Variants in CBX1 observed in about 807,000 individuals in gnomAD.
The protein encoded by CBX1 is chromobox 1.
A neutral mutation model predicts 25.1 loss-of-function variants in CBX1; 10 were observed. The ratio of observed to expected loss-of-function variants is 0.40; its 90% confidence interval spans 0.25 to 0.68. The LOEUF (loss-of-function observed/expected upper bound fraction) is 0.68. Ranked by LOEUF, CBX1 falls within the 30% of genes least tolerant of loss-of-function variation. The probability of loss-of-function intolerance (pLI) is 0.40; values close to 1 mark genes in which losing one functional copy is unlikely to be tolerated. For synonymous variants in CBX1, 63 were observed against 79.4 expected (o/e 0.79, Z 1.10); for missense variants, 106 against 218.5 (o/e 0.49, Z 3.25).
At chr17:48,077,350 T>C (rs775305556) in intron 1 of CBX1, among the ~76,000 whole-genome samples, 4 of 151,298 alleles carry the variant, frequency 2.6e-5, no homozygotes, top group Non-Finnish European at 5.9e-5. Flanking sequence ...CTCCGCCTCC[T>C]GGGTTCAAGC....
At chr17:48,092,006 T>C (rs2063346683) in intron 1 of CBX1, among the ~76,000 whole-genome samples, 1 of 145,806 alleles carries the variant, frequency 6.9e-6, no homozygotes, top group South Asian at 2.2e-4. Context: ...TTTTTTTTTT[T>C]TGAGATGCAG....
chr17:48,088,367 T>C (rs1377018906), intron 1 of CBX1: 1 of 150,510 alleles, frequency 6.6e-6, no homozygotes, highest in East Asian at 1.9e-4. Flanking sequence ...ACGCCTATAA[T>C]CCCAGCACTT....
intron 1 of CBX1, among the ~76,000 whole-genome samples, chr17:48,088,955 G>A (rs1017670465): frequency 7.2e-5 from 11 of 151,886 alleles, no homozygotes; most frequent in East Asian, 3.9e-4. Flanking sequence ...CAGCCTGGGC[G>A]ACACAGCAAG....
At chr17:48,077,452 T>TG (rs1456802872) in intron 1 of CBX1, among the ~76,000 whole-genome samples, 1 of 120,310 alleles carries the variant, frequency 8.3e-6, no homozygotes, top group African/African-American at 2.8e-5. Context: ...TTTGTTTTTT[T>TG]TGTTTTTTTT....
At chr17:48,083,575 T>C (rs2037758426) in intron 1 of CBX1, among the ~76,000 whole-genome samples, 3 of 150,422 alleles carry the variant, frequency 2.0e-5, no homozygotes, top group Non-Finnish European at 2.9e-5. Context: ...GTAATCCCAG[T>C]AATTTGGGAG....
At chr17:48,094,091 G>T (rs1486341175) in intron 1 of CBX1, among the ~76,000 whole-genome samples, 1 of 116,694 alleles carries the variant, frequency 8.6e-6, no homozygotes, top group South Asian at 2.8e-4. Context: ...TCCAGCCTGG[G>T]CATCAAGAGT....
chr17:48,086,434 C>G (rs2063311928), intron 1 of CBX1, among the ~76,000 whole-genome samples: 1 of 152,314 alleles, frequency 6.6e-6, no homozygotes, highest in Middle Eastern at 3.4e-3. Context: ...ATGCTAGGAA[C>G]TTCCACGATT....
chr17:48,075,484 T>C (rs993206214), intron 3 of CBX1, among the ~76,000 whole-genome samples: 1 of 152,152 alleles, frequency 6.6e-6, no homozygotes, highest in African/African-American at 2.4e-5. Flanking sequence ...TGAGCCACCG[T>C]GCCCGGCCCA....
chr17:48,076,008 T>C lies in CBX1; in HGVS notation c.311A>G (p.Lys104Arg). 6.3e-7 allele frequency: 1 copy of C among 1,598,112 alleles called. No homozygotes were observed. The highest frequency in any genetic ancestry group is 8.6e-7 in the Non-Finnish European group (1 of 1,169,110). The change falls in exon 3 of 5, where the codon AAA becomes AGA. Residue 104 changes from lysine to arginine, a missense_variant. Lys to Arg is a conservative substitution (Grantham distance 26, BLOSUM62 2). Transcript: ENST00000225603. Reference sequence around the variant, plus strand: ...TCTTACTTCTATTCTTACCTCTTCTTTCTTCTTCTTTGGTTTGCTCTCCTC... The same window carrying C: ...TCTTACTTCTATTCTTACCTCTTCTCTCTTCTTCTTTGGTTTGCTCTCCTC... ...KGEESKPKKK[K>R]EESEKPRGFA...
intron 1 of CBX1, among the ~76,000 whole-genome samples, chr17:48,099,213 C>T (rs547968821): frequency 2.6e-5 from 4 of 152,174 alleles, no homozygotes; most frequent in Non-Finnish European, 4.4e-5. Context: ...AGCGATTCTC[C>T]TGCCTCAGCC....
chr17:48,089,554 T>C (rs1267396746), intron 1 of CBX1, among the ~76,000 whole-genome samples: 3 of 151,452 alleles, frequency 2.0e-5, no homozygotes, highest in Admixed American at 2.0e-4. Context: ...CCCAGCACGG[T>C]GGCTCACGCC....
At chr17:48,074,220 C>CTG (rs34047980) in intron 4 of CBX1, among the ~76,000 whole-genome samples, 3,624 of 150,732 alleles carry the variant, frequency 0.024, 130 homozygotes, top group African/African-American at 0.077. Flanking sequence ...GCTCCATAGA[C>CTG]TGTGTGTGTG....
At chr17:48,073,263 A>G (rs894144683) in intron 4 of CBX1, among the ~76,000 whole-genome samples, 1 of 152,192 alleles carries the variant, frequency 6.6e-6, no homozygotes, top group African/African-American at 2.4e-5. Flanking sequence ...ATAACAGGAA[A>G]TCAGAGCCAC....
chr17:48,083,696 C>T (rs753837182), intron 1 of CBX1, among the ~76,000 whole-genome samples: 3 of 149,738 alleles, frequency 2.0e-5, no homozygotes, highest in African/African-American at 5.1e-5. Context: ...TGGTGGTGGG[C>T]GCCTGTAATC....
At chr17:48,098,181 G>T (rs2063386136) in intron 1 of CBX1, among the ~76,000 whole-genome samples, 1 of 152,046 alleles carries the variant, frequency 6.6e-6, no homozygotes, top group Non-Finnish European at 1.5e-5. Flanking sequence ...TGTCCAGGAG[G>T]TTGAGGCTTC....
At position 48,070,181 on chromosome 17, in the gene CBX1, CA is replaced by C. The variant is rs1354181023; in HGVS notation, c.*1253del. 6.6e-6 allele frequency: 1 copy of C among 152,642 alleles called. No homozygotes were observed. 9.5% of individuals were successfully genotyped at this position (152,642 alleles called of 1,614,324 possible). Reference sequence around the variant, plus strand: ...GAATTTTACAACGTAGCTCTAGATGCAAGTCTAGACAATATCAAGAACTGAT... The same window carrying C: ...GAATTTTACAACGTAGCTCTAGATGCAGTCTAGACAATATCAAGAACTGAT... On this transcript the variant is annotated 3_prime_UTR_variant, in exon 5 of 5. Coordinates refer to ENST00000225603, the MANE Select transcript of CBX1 (RefSeq NM_001127228.2).
At chr17:48,089,581 T>C (rs2063332434) in intron 1 of CBX1, among the ~76,000 whole-genome samples, 1 of 151,070 alleles carries the variant, frequency 6.6e-6, no homozygotes, top group South Asian at 2.1e-4. Context: ...CCCAGCACTT[T>C]GGGAGGCCGA....
chr17:48,077,035 G>C lies in CBX1; in HGVS notation c.-31C>G. Reference sequence around the variant, plus strand: ...CCGCCAGCTTTCTGGTGTAAAGGGTGACGCTGCTAAAATGATAAATGAAAT... The same window carrying C: ...CCGCCAGCTTTCTGGTGTAAAGGGTCACGCTGCTAAAATGATAAATGAAAT... On this transcript the variant is annotated 5_prime_UTR_variant, in exon 2 of 5. Coordinates refer to ENST00000225603, the MANE Select transcript of CBX1 (RefSeq NM_001127228.2). 1 of 1,599,014 alleles carries C rather than the reference G, an allele frequency of 6.3e-7. No homozygotes were observed. The highest frequency in any genetic ancestry group is 8.5e-7 in the Non-Finnish European group (1 of 1,173,670).
intron 1 of CBX1, among the ~76,000 whole-genome samples, chr17:48,084,177 T>TGTTG (rs1363334109): frequency 6.8e-5 from 10 of 147,786 alleles, no homozygotes. Flanking sequence ...GGTGTTCCTA[T>TGTTG]GTTGTTCAGG....
Sources: gnomAD v4.1 joint callset for allele counts (sites outside exome capture counted in the v4.1 genomes callset) on GRCh38, gnomAD v4.1.1 for gene constraint, MANE v1.5 for transcripts, NCBI Gene and HGNC (gene_info 2026-07-23, HGNC 2026-07-21) for gene names.